SAMD12: variants seen among roughly 807,000 people sequenced by gnomAD.
The protein encoded by SAMD12 is sterile alpha motif domain-containing protein 12.
Under a neutral mutation model 15.0 loss-of-function variants are expected in SAMD12, and 9 were observed. The ratio of observed to expected loss-of-function variants is 0.60; its 90% CI spans 0.36 to 1.05. The LOEUF is 1.05. Ranked by LOEUF, SAMD12 falls within the 50% of genes least tolerant of loss-of-function variation. SAMD12 has a pLI of 0.01. For missense variants in SAMD12, 230 were observed against 234.2 expected, an observed-to-expected ratio of 0.98 and a Z score of 0.12; for synonymous variants, 86 against 90.1, an observed-to-expected ratio of 0.96 and a Z score of 0.25.
At chr8:118,446,181 T>C (rs1237591440) in intron 2 of SAMD12, among the ~76,000 whole-genome samples, 1 of 151,486 alleles carries the variant, frequency 6.6e-6, no homozygotes, top group Non-Finnish European at 1.5e-5. Flanking sequence ...TGAGAACCAC[T>C]GTTTAAAGAC....
At chr8:118,556,101 T>C (rs1266136562) in intron 2 of SAMD12, among the ~76,000 whole-genome samples, 1 of 152,130 alleles carries the variant, frequency 6.6e-6, no homozygotes, top group African/African-American at 2.4e-5. Context: ...TGAACAAAGG[T>C]CTGGAATTTA....
intron 4 of SAMD12, among the ~76,000 whole-genome samples, chr8:118,252,559 GT>G (rs1812844000): frequency 1.3e-5 from 2 of 152,100 alleles, no homozygotes; most frequent in Non-Finnish European, 2.9e-5. Context: ...TTGTTTGCTT[GT>G]TTCATTTTCT....
intron 4 of SAMD12, among the ~76,000 whole-genome samples, chr8:118,365,486 G>A (rs1818716561): frequency 6.6e-6 from 1 of 152,146 alleles, no homozygotes; most frequent in Non-Finnish European, 1.5e-5. Flanking sequence ...CTCTCCTTGA[G>A]CTGGGGCATC....
chr8:118,265,215 A>T lies in SAMD12; in HGVS notation c.434-67483T>A, dbSNP rs913525164. 4.2e-4 allele frequency among the ~76,000 whole-genome samples: 64 copies of T among 152,166 alleles called. 2 individuals are homozygous for T. Among genetic ancestry groups the T allele is most frequent in the Non-Finnish European group, 5.9e-5 (4 of 68,032 alleles). ...ATATCTCAAAGAGGATTCATCTTTA[A>T]TTATGGGCATCTGACATCTTTATGT... is the stretch of plus-strand genomic sequence containing the variant. On this transcript the variant is annotated intron_variant, in intron 4 of 4. Coordinates refer to the SAMD12 transcript ENST00000409003.
chr8:118,477,560 G>A (rs976545513), intron 2 of SAMD12, among the ~76,000 whole-genome samples: 8 of 152,030 alleles, frequency 5.3e-5, no homozygotes, highest in South Asian at 2.1e-4. Flanking sequence ...TGGCTCTCCC[G>A]TTTTTCTAAT....
chr8:118,262,734 C>T (rs1258246748), intron 4 of SAMD12, among the ~76,000 whole-genome samples: 2 of 151,940 alleles, frequency 1.3e-5, no homozygotes, highest in African/African-American at 4.8e-5. Flanking sequence ...ACAAAATAGG[C>T]TTCTGTGGAA....
chr8:118,219,616 GC>G (rs1429527078), intron 4 of SAMD12, among the ~76,000 whole-genome samples: 1 of 152,164 alleles, frequency 6.6e-6, no homozygotes, highest in Non-Finnish European at 1.5e-5. Context: ...TCTGGGCCTG[GC>G]CTGTCAGAGA....
intron 4 of SAMD12, among the ~76,000 whole-genome samples, chr8:118,244,383 T>C (rs151035971): frequency 1.6e-3 from 240 of 152,250 alleles, no homozygotes; most frequent in African/African-American, 5.5e-3. Context: ...CCATTGTCTC[T>C]AGGAACTGCC....
Position 118,580,759 on chromosome 8 carries a change from T to C in SAMD12, c.148A>G (p.Lys50Glu). 1 of 1,613,384 alleles carries C rather than the reference T, an allele frequency of 6.2e-7. No individual in the cohort carries two copies. The highest frequency in any genetic ancestry group is 8.5e-7 in the Non-Finnish European group (1 of 1,179,476). Residue 50 changes from lysine to glutamate, a missense_variant, in exon 2 of 4, where the codon AAA (lysine) becomes GAA (glutamate). Transcript: ENST00000314727. ...NKNFQKVPDQKGTPKRLQAEA... is the reference protein window; with the variant it reads ...NKNFQKVPDQEGTPKRLQAEA... Reference sequence around the variant, plus strand: ...GCCTGCAGTCGCTTGGGAGTTCCTTTCTGGTCAGGCACCTTCTGGAAATTT... The same window carrying C: ...GCCTGCAGTCGCTTGGGAGTTCCTTCCTGGTCAGGCACCTTCTGGAAATTT...
intron 2 of SAMD12, among the ~76,000 whole-genome samples, chr8:118,552,245 T>C (rs1826361645): frequency 6.6e-6 from 1 of 152,102 alleles, no homozygotes; most frequent in Non-Finnish European, 1.5e-5. Context: ...TTTAGACCAA[T>C]ATCCTTGATG....
the SAMD12 span, among the ~76,000 whole-genome samples, chr8:118,143,609 G>A: frequency 4.6e-5 from 7 of 152,180 alleles, no homozygotes; most frequent in Admixed American, 3.3e-4. Flanking sequence ...GCTCAGTGGT[G>A]TTCTTCCAAG....
intron 4 of SAMD12, among the ~76,000 whole-genome samples, chr8:118,241,528 T>A (rs1237759601): frequency 2.0e-5 from 3 of 152,158 alleles, no homozygotes; most frequent in Non-Finnish European, 4.4e-5. Context: ...AGTGACTTTT[T>A]CATGGAGAAG....
At chr8:118,353,346 T>C (rs1818056698) in intron 4 of SAMD12, among the ~76,000 whole-genome samples, 1 of 151,690 alleles carries the variant, frequency 6.6e-6, no homozygotes, top group South Asian at 2.1e-4. Flanking sequence ...ATTTATATGT[T>C]GAAGCCTTAA....
At chr8:118,304,718 C>T (rs1404257894) in intron 4 of SAMD12, among the ~76,000 whole-genome samples, 3 of 150,008 alleles carry the variant, frequency 2.0e-5, no homozygotes, top group Non-Finnish European at 4.4e-5. Context: ...TGAGATTGTG[C>T]CACTGCACTC....
intron 4 of SAMD12, among the ~76,000 whole-genome samples, chr8:118,222,381 G>C (rs1812101234): frequency 6.6e-6 from 1 of 152,212 alleles, no homozygotes; most frequent in African/African-American, 2.4e-5. Flanking sequence ...ATGTGACCTA[G>C]AGTGTCATGA....
chr8:118,538,160 CTCTGTCTGTCTG>C (rs61235691), intron 2 of SAMD12, among the ~76,000 whole-genome samples: 9 of 151,588 alleles, frequency 5.9e-5, no homozygotes, highest in Non-Finnish European at 1.0e-4. Flanking sequence ...TGGAGTTAGT[CTCTGTCTGTCTG>C]TCTGTCTGTC....
the SAMD12 span, among the ~76,000 whole-genome samples, chr8:118,174,950 A>C: frequency 3.9e-5 from 6 of 152,076 alleles, no homozygotes; most frequent in East Asian, 3.9e-4. Flanking sequence ...AGTTCAGCAA[A>C]TATTTCCAAA....
chr8:118,588,364 G>A (rs1827502700), intron 1 of SAMD12, among the ~76,000 whole-genome samples: 1 of 152,150 alleles, frequency 6.6e-6, no homozygotes, highest in Non-Finnish European at 1.5e-5. Context: ...TCTAGGACAG[G>A]GGTCAGCAAA....
At chr8:118,494,558 A>C (rs1824547943) in intron 2 of SAMD12, among the ~76,000 whole-genome samples, 1 of 152,182 alleles carries the variant, frequency 6.6e-6, no homozygotes, top group South Asian at 2.1e-4. Flanking sequence ...ATATTTGCTG[A>C]ATTAATCAAT....
Sources: gnomAD v4.1 joint callset for allele counts (sites outside exome capture counted in the v4.1 genomes callset) on GRCh38, gnomAD v4.1.1 for gene constraint, MANE v1.5 for transcripts, NCBI Gene and HGNC (gene_info 2026-07-23, HGNC 2026-07-21) for gene names.